Variants in DNMT3A observed in about 807,000 individuals in gnomAD.
DNMT3A encodes DNA (cytosine-5)-methyltransferase 3A.
In DNMT3A, 267 loss-of-function variants were observed where a neutral mutation model predicts 117.6. The ratio of observed to expected loss-of-function variants is 2.27; its 90% CI spans 2.05 to 2.51. The LOEUF (loss-of-function observed/expected upper bound fraction) is 2.51, where lower values mean the gene tolerates loss of function less well. Ranked by LOEUF, DNMT3A falls within the 30% of genes most tolerant of loss-of-function variation. The pLI is 0.00. For synonymous variants in DNMT3A, 432 were observed against 474.8 expected, an observed-to-expected ratio of 0.91 and a Z score of 1.17; for missense variants, 1,029 against 1,260.2, an observed-to-expected ratio of 0.82 and a Z score of 2.78.
At chr2:25,336,066 C>T (rs909411598) in intron 1 of DNMT3A, among the ~76,000 whole-genome samples, 3 of 152,246 alleles carry the variant, frequency 2.0e-5, no homozygotes, top group African/African-American at 7.2e-5. Context: ...TGCTGTCCTC[C>T]AGACAGGTTG....
At chr2:25,253,423 A>C (rs1341834043) in intron 6 of DNMT3A, among the ~76,000 whole-genome samples, 2 of 152,204 alleles carry the variant, frequency 1.3e-5, no homozygotes, top group Non-Finnish European at 2.9e-5. Flanking sequence ...GGATGACAAA[A>C]GAGGTCAGAG....
chr2:25,300,844 C>T (rs2033474161), intron 2 of DNMT3A, among the ~76,000 whole-genome samples: 1 of 139,728 alleles, frequency 7.2e-6, no homozygotes, highest in South Asian at 2.3e-4. Flanking sequence ...TCTTTATGAC[C>T]ACATTTTCCG....
rs558330245 is a variant in DNMT3A, at chr2:25,296,281, T to G, written c.177+3858A>C. Among the ~76,000 whole-genome samples the G allele has an allele frequency of 2.0e-5, 3 of 152,256 alleles. No homozygotes were observed. In the South Asian group the frequency reaches 6.2e-4, roughly 32 times the overall value. On this transcript the variant is annotated intron_variant, in intron 3 of 22. Transcript: ENST00000321117. The surrounding 1 kb of genome is among the most constrained non-coding windows in gnomAD (Gnocchi z 4.2). ...GCTGAACTGGGCTTCATTTTCAGGCTAGGTTCTACCGGGCTGTGGTGCTGG... is the reference window on the plus strand; with the variant it reads ...GCTGAACTGGGCTTCATTTTCAGGCGAGGTTCTACCGGGCTGTGGTGCTGG...
chr2:25,304,169 G>C lies in DNMT3A; in HGVS notation c.73-3926C>G, dbSNP rs1195878467. ...CCACACTTCCAGCGCAGAGGGGAGG[G>C]GGTGGAAATTCCAGACACGTAGGCT... On this transcript the variant is annotated intron_variant, in intron 2 of 22. Transcript: ENST00000321117. This position sits in a 1 kb window ranked among gnomAD's most constrained non-coding sequence, Gnocchi z 4.3. Among the ~76,000 whole-genome samples, 1 of 152,150 alleles carries C rather than the reference G, an allele frequency of 6.6e-6. No homozygotes were observed. The highest frequency in any genetic ancestry group is 1.9e-4 in the East Asian group (1 of 5,194).
rs1057428351 is a variant in DNMT3A at position 25,275,567 on chromosome 2, G to A, written c.449-24C>T. On this transcript the variant is annotated intron_variant, in intron 4 of 22. Coordinates refer to ENST00000321117, the MANE Select transcript of DNMT3A (RefSeq NM_022552.5). ...GCCTGTGGAGAGGGAAGAACAAAGG[G>A]ACCAGTTCGTTGGTCGGCAGAATTA... 1.9e-6 allele frequency: 3 copies of A among 1,554,678 alleles called. No individual in the cohort carries two copies. In the African/African-American group the frequency reaches 4.3e-5, roughly 22 times the overall value.
chr2:25,295,672 A>G (rs1343032627), intron 3 of DNMT3A, among the ~76,000 whole-genome samples: 1 of 152,224 alleles, frequency 6.6e-6, no homozygotes, highest in Non-Finnish European at 1.5e-5. Flanking sequence ...AGAGCACCAT[A>G]GGCTTTGCAG....
intron 1 of DNMT3A, among the ~76,000 whole-genome samples, chr2:25,338,361 ACTCAC>A (rs1370536741): frequency 1.2e-4 from 18 of 152,146 alleles, no homozygotes; most frequent in Admixed American, 7.9e-4. Flanking sequence ...GTCTGTTTTA[ACTCAC>A]CCATTAGAGT....
intron 19 of DNMT3A, 139 bp downstream of exon 19, chr2:25,240,162 GC>G: frequency 8.0e-7 from 1 of 1,252,114 alleles, no homozygotes. Context: ...TATCCAGGAA[GC>G]CTGGGGCTTC....
chr2:25,334,161 C>T (rs2149449894), intron 1 of DNMT3A, among the ~76,000 whole-genome samples: 1 of 152,290 alleles, frequency 6.6e-6, no homozygotes, highest in Middle Eastern at 3.4e-3. Context: ...CCAAGAGGCA[C>T]CCATGGGTGG....
chr2:25,244,422 G>T, intron 14 of DNMT3A, 84 bp from the exon 15 acceptor site: 1 of 1,570,604 alleles, frequency 6.4e-7, no homozygotes, highest in Non-Finnish European at 8.7e-7. Flanking sequence ...GGAAAGACCG[G>T]GTCTGGAGCA....
At chr2:25,290,320 ATTTT>A (rs1249490029) in intron 3 of DNMT3A, among the ~76,000 whole-genome samples, 1 of 126,526 alleles carries the variant, frequency 7.9e-6, no homozygotes. Context: ...TATGGAAGTG[ATTTT>A]TTTTTTTTTT....
intron 1 of DNMT3A, among the ~76,000 whole-genome samples, chr2:25,324,439 T>A (rs2034712830): frequency 6.6e-6 from 1 of 152,202 alleles, no homozygotes; most frequent in Non-Finnish European, 1.5e-5. Flanking sequence ...TGGTCATGAA[T>A]GAGCATGCTA....
At chr2:25,289,070 G>A (rs1013892374) in intron 3 of DNMT3A, among the ~76,000 whole-genome samples, 1 of 151,072 alleles carries the variant, frequency 6.6e-6, no homozygotes, top group Non-Finnish European at 1.5e-5. Flanking sequence ...GTTTACTGTG[G>A]CCTCCCTCCT....
chr2:25,294,961 G>A lies in DNMT3A; in HGVS notation c.177+5178C>T, dbSNP rs2033001482. 6.6e-6 allele frequency among the ~76,000 whole-genome samples: 1 copy of A among 152,156 alleles called. No homozygotes were observed. The highest frequency in any genetic ancestry group is 1.5e-5 in the Non-Finnish European group (1 of 68,022). On this transcript the variant is annotated intron_variant, in intron 3 of 22. Transcript: ENST00000321117. The surrounding 1 kb of genome is among the most constrained non-coding windows in gnomAD (Gnocchi z 4.7). ...GCTCCCTCTGAGCAAAAATAACCCT[G>A]GAGGAAGTTGGTGGGTATAAATCGT...
At chr2:25,289,853 C>G (rs1208342327) in intron 3 of DNMT3A, among the ~76,000 whole-genome samples, 1 of 152,264 alleles carries the variant, frequency 6.6e-6, no homozygotes, top group African/African-American at 2.4e-5. Context: ...TCCTCTTCCC[C>G]CTTTGCCCAA....
At chr2:25,248,841 T>G (rs1434109048) in intron 6 of DNMT3A, among the ~76,000 whole-genome samples, 1 of 152,154 alleles carries the variant, frequency 6.6e-6, no homozygotes, top group Non-Finnish European at 1.5e-5. Flanking sequence ...AGCCACTGTG[T>G]CTAGCCTACG....
intron 4 of DNMT3A, among the ~76,000 whole-genome samples, chr2:25,280,451 T>A (rs2031805150): frequency 6.6e-6 from 1 of 151,686 alleles, no homozygotes; most frequent in Admixed American, 6.6e-5. Context: ...GGTGCCCTGC[T>A]CCCTCCCACC....
In DNMT3A at chr2:25,275,421, G is replaced by A. The variant is rs545612537; in HGVS notation, c.492+79C>T. ...AAGAAGGAGGAGGGGCCCACCCTCC[G>A]CCCCCTCACACACACTCGCCACCCG... On this transcript the variant is annotated intron_variant, in intron 5 of 22. Transcript: ENST00000321117. 740 of 568,392 alleles carry A rather than the reference G, an allele frequency of 1.3e-3. 8 individuals are homozygous for A. In the South Asian group the frequency reaches 0.013, roughly 10 times the overall value. 35.2% of individuals were successfully genotyped at this position (568,392 alleles called of 1,614,324 possible).
rs1673506275 is a variant in DNMT3A at position 25,237,557 on chromosome 2, C to T, written c.2409-552G>A. 6.6e-6 allele frequency among the ~76,000 whole-genome samples: 1 copy of T among 152,150 alleles called. No individual in the cohort carries two copies. On this transcript the variant is annotated intron_variant, in intron 20 of 22. Transcript: ENST00000321117. The surrounding 1 kb of genome is among the most constrained non-coding windows in gnomAD (Gnocchi z 5.4). ...CTGAGGCAGGCGGGTCACCTGAGGT[C>T]AGGAGTTTGAGTCCATCCTGATCAA...
Sources: gnomAD v4.1 joint callset for allele counts (sites outside exome capture counted in the v4.1 genomes callset) on GRCh38, gnomAD v4.1.1 for gene constraint, Gnocchi (gnomAD v3.1) non-coding constraint, MANE v1.5 for transcripts, NCBI Gene and HGNC (gene_info 2026-07-23, HGNC 2026-07-21) for gene names.